Variants in AFF2 observed in about 807,000 individuals in gnomAD.
The protein encoded by AFF2 is ALF transcription elongation factor 2, also known as AF4/FMR2 family member 2.
A neutral mutation model predicts 76.9 loss-of-function variants in AFF2; 14 were observed. The observed-to-expected ratio is 0.18, with a 90% confidence interval of 0.12 to 0.28. The LOEUF (loss-of-function observed/expected upper bound fraction) is 0.28. AFF2 is among the 10% of genes least tolerant of loss of function. The pLI is 1.00. For missense variants in AFF2, 868 were observed against 1,001.1 expected (o/e 0.87, Z 1.79); for synonymous variants, 398 against 366.7 (o/e 1.09, Z -0.98).
chrX:148,590,293 T>A (rs1443531928), intron 1 of AFF2, among the ~76,000 whole-genome samples: 2 of 110,121 alleles, frequency 1.8e-5, no homozygotes, highest in African/African-American at 6.6e-5. Flanking sequence ...TGTCTGAAGA[T>A]CATATTGCTC....
At chrX:148,683,606 C>T (rs1242411232) in intron 3 of AFF2, among the ~76,000 whole-genome samples, 3 of 111,883 alleles carry the variant, frequency 2.7e-5, no homozygotes, top group Admixed American at 1.9e-4. Context: ...ACAGGGGAGA[C>T]ATGTCTTTTT....
chrX:148,895,182 G>A (rs2071268849), intron 8 of AFF2, among the ~76,000 whole-genome samples: 1 of 111,341 alleles, frequency 9.0e-6, no homozygotes, highest in African/African-American at 3.3e-5. Context: ...AGCTGAAATT[G>A]CTTACTGGGG....
At chrX:148,782,273 C>A (rs1403252463) in intron 3 of AFF2, among the ~76,000 whole-genome samples, 1 of 111,741 alleles carries the variant, frequency 8.9e-6, no homozygotes, top group African/African-American at 3.3e-5. Flanking sequence ...AAAGGATATC[C>A]AACCAATAAG....
Position 148,814,512 on chromosome X carries a change from A to T in AFF2, c.1086+4592A>T, listed in dbSNP as rs573001942. ...GTGGTTGATAATTTCATAGGCAAACATCTGTAAGGGTAATTCAGTGTTTAT... is the reference window on the plus strand; with the variant it reads ...GTGGTTGATAATTTCATAGGCAAACTTCTGTAAGGGTAATTCAGTGTTTAT... On this transcript the variant is annotated intron_variant, in intron 4 of 20. Coordinates refer to ENST00000370460, the MANE Select transcript of AFF2 (RefSeq NM_002025.4). Among the ~76,000 whole-genome samples the T allele has an allele frequency of 1.1e-4, 12 of 112,256 alleles. No individual in the cohort carries two copies. The South Asian group carries it at 4.4e-3, about 41-fold the overall frequency.
In AFF2 at chrX:148,707,287, G is replaced by A. The variant is rs1295644643; in HGVS notation, c.1041+44519G>A. Among the ~76,000 whole-genome samples the A allele has an allele frequency of 4.5e-5, 5 of 110,827 alleles. No homozygotes were observed. In the Admixed American group the frequency reaches 4.9e-4, roughly 11 times the overall value. ...TGAAATCGTTCTGCTTGCTGTATTT[G>A]TACAGAGATATCTTTTATTCAGTTT... On this transcript the variant is annotated intron_variant, in intron 3 of 20. Coordinates refer to ENST00000370460, the MANE Select transcript of AFF2 (RefSeq NM_002025.4).
intron 3 of AFF2, among the ~76,000 whole-genome samples, chrX:148,804,876 TG>T (rs2070107602): frequency 8.9e-6 from 1 of 112,141 alleles, no homozygotes; most frequent in Non-Finnish European, 1.9e-5. Context: ...CAGATCCTAA[TG>T]TGAACTGAGT....
At chrX:148,864,699 C>T (rs782635086) in intron 7 of AFF2, among the ~76,000 whole-genome samples, 58 of 111,662 alleles carry the variant, frequency 5.2e-4, no homozygotes, top group Admixed American at 2.9e-4. Flanking sequence ...TGGAACTGGA[C>T]GTGTTTTTGC....
At chrX:148,988,415 A>G (rs1463881394) in intron 20 of AFF2, among the ~76,000 whole-genome samples, 8 of 111,477 alleles carry the variant, frequency 7.2e-5, no homozygotes, top group Admixed American at 5.7e-4. Context: ...TTGCAACCCA[A>G]TCATTTAAGT....
At chrX:148,845,900 C>A (rs781792638) in intron 7 of AFF2, among the ~76,000 whole-genome samples, 4 of 111,908 alleles carry the variant, frequency 3.6e-5, no homozygotes, top group East Asian at 2.8e-4. Flanking sequence ...AAACAGAATC[C>A]CTTAATTACT....
chrX:148,511,414 T>A (rs1487315540), intron 1 of AFF2, among the ~76,000 whole-genome samples: 1 of 112,131 alleles, frequency 8.9e-6, no homozygotes, highest in Non-Finnish European at 1.9e-5. Context: ...TAGTTCCCGC[T>A]TTGGAGGCTA....
At chrX:148,670,915 A>T (rs1377131490) in intron 3 of AFF2, among the ~76,000 whole-genome samples, 4 of 111,757 alleles carry the variant, frequency 3.6e-5, no homozygotes, top group Non-Finnish European at 5.6e-5. Flanking sequence ...CATTAGTCAA[A>T]CCCAGAGATA....
intron 3 of AFF2, among the ~76,000 whole-genome samples, chrX:148,785,822 G>C (rs782598840): frequency 1.4e-3 from 161 of 112,037 alleles, no homozygotes; most frequent in African/African-American, 5.0e-3. Context: ...AAATCAGTCT[G>C]TGACTAAAAA....
At chrX:148,921,678 A>G (rs782044083) in intron 9 of AFF2, among the ~76,000 whole-genome samples, 1 of 112,644 alleles carries the variant, frequency 8.9e-6, no homozygotes, top group Middle Eastern at 4.6e-3. Flanking sequence ...ATTTGATGGC[A>G]TTTTAAGAAC....
chrX:148,745,693 A>G (rs1397204917), intron 3 of AFF2, among the ~76,000 whole-genome samples: 2 of 111,466 alleles, frequency 1.8e-5, no homozygotes, highest in African/African-American at 3.3e-5. Flanking sequence ...CATGTCCACT[A>G]AAGAACAAGT....
At position 148,500,927 on chromosome X, in the gene AFF2, A is replaced by T; in HGVS notation, c.-171A>T. 1 of 562,506 alleles carries T rather than the reference A, an allele frequency of 1.8e-6. No individual in the cohort carries two copies. The highest frequency in any genetic ancestry group is 2.7e-6 in the Non-Finnish European group (1 of 376,153). 46.4% of individuals were successfully genotyped at this position (562,506 alleles called of 1,213,427 possible). ...CGCTTCCTCGCCGGAGCACAGGACC[A>T]GACACCTCCAGCGCCCGCTGCTGCT... On this transcript the variant is annotated 5_prime_UTR_variant, in exon 1 of 21. Transcript: ENST00000370460.
intron 3 of AFF2, among the ~76,000 whole-genome samples, chrX:148,675,555 C>A (rs2054473816): frequency 1.8e-5 from 2 of 109,860 alleles, no homozygotes; most frequent in Non-Finnish European, 3.8e-5. Flanking sequence ...GGAGATGGCC[C>A]CAGTTCTAGA....
At chrX:148,661,035 G>T (rs1409798978) in intron 2 of AFF2, among the ~76,000 whole-genome samples, 1 of 112,362 alleles carries the variant, frequency 8.9e-6, no homozygotes, top group Non-Finnish European at 1.9e-5. Flanking sequence ...CCTACAGGGG[G>T]TGGTGTAGCT....
intron 1 of AFF2, among the ~76,000 whole-genome samples, chrX:148,552,147 A>C (rs1557239039): frequency 8.9e-6 from 1 of 112,389 alleles, no homozygotes; most frequent in Non-Finnish European, 1.9e-5. Context: ...GCTGATTTTA[A>C]TCTGTATTCT....
chrX:148,504,504 A>T (rs2052386568), intron 1 of AFF2, among the ~76,000 whole-genome samples: 1 of 112,968 alleles, frequency 8.9e-6, no homozygotes, highest in African/African-American at 3.2e-5. Context: ...TCTCACAAAT[A>T]GCCTAATTAG....
Sources: gnomAD v4.1 joint callset for allele counts (sites outside exome capture counted in the v4.1 genomes callset) on GRCh38, gnomAD v4.1.1 for gene constraint, MANE v1.5 for transcripts, NCBI Gene and HGNC (gene_info 2026-07-23, HGNC 2026-07-21) for gene names.